The following ARHGAP40 variants were observed in gnomAD, a reference collection of about 807,000 sequenced individuals.
ARHGAP40 encodes Rho GTPase activating protein 40.
A neutral mutation model predicts 73.5 loss-of-function variants in ARHGAP40; 43 were observed. The ratio of observed to expected loss-of-function variants is 0.58; its 90% CI spans 0.46 to 0.75. ARHGAP40 has a LOEUF of 0.75. ARHGAP40 is among the 30% of genes least tolerant of loss of function. The pLI is 0.00. For missense variants in ARHGAP40, 734 were observed against 861.8 expected (o/e 0.85, Z 1.86); for synonymous variants, 300 against 352.8 (o/e 0.85, Z 1.68).
chr20:38,620,294 C>A (rs760745227), intron 1 of ARHGAP40, among the ~76,000 whole-genome samples: 1 of 152,146 alleles, frequency 6.6e-6, no homozygotes, highest in Non-Finnish European at 1.5e-5. Flanking sequence ...CTCTTCCTAT[C>A]GTTCTCTTCC....
rs1370808425 is a variant in ARHGAP40, at chr20:38,614,854, T to C, written c.138-8505T>C. On this transcript the variant is annotated intron_variant, in intron 1 of 14. Coordinates refer to ENST00000373345, the Ensembl canonical transcript of ARHGAP40. Reference sequence around the variant, plus strand: ...GTCTCTAGAGCTCCAGAACCATGAGTACCTCATCACGTCCTGAGCGTCACA... The same window carrying C: ...GTCTCTAGAGCTCCAGAACCATGAGCACCTCATCACGTCCTGAGCGTCACA... 5.3e-6 allele frequency: 5 copies of C among 942,552 alleles called. No homozygotes were observed. In the East Asian group the frequency reaches 1.2e-4, roughly 23 times the overall value. The allele number at this position is 942,552 out of a possible 1,614,324, so 58.4% of individuals were successfully genotyped here.
At chr20:38,644,893 C>T (rs940731429) in intron 11 of ARHGAP40, among the ~76,000 whole-genome samples, 1 of 151,390 alleles carries the variant, frequency 6.6e-6, no homozygotes, top group African/African-American at 2.4e-5. Flanking sequence ...GCATCTATCC[C>T]ACTATCTACC....
chr20:38,601,909 C>A (rs2088735678), exon 1 of ARHGAP40: 12 of 1,287,314 alleles, frequency 9.3e-6, no homozygotes, highest in Non-Finnish European at 1.1e-5. Context: ...GGCGGCAGCA[C>A]CACGACCGAC....
chr20:38,631,304 T>TA (rs35575772), intron 5 of ARHGAP40, among the ~76,000 whole-genome samples: 6,241 of 87,474 alleles, frequency 0.071, 641 homozygotes, highest in African/African-American at 0.24. Context: ...GAGCAAGACC[T>TA]AAAAAAAAAA....
chr20:38,619,298 G>A (rs2088861495), intron 1 of ARHGAP40, among the ~76,000 whole-genome samples: 1 of 152,102 alleles, frequency 6.6e-6, no homozygotes, highest in South Asian at 2.1e-4. Flanking sequence ...TTGTGAGCTT[G>A]GAAGATCTTT....
chr20:38,627,531 A>C (rs902648126), intron 3 of ARHGAP40, among the ~76,000 whole-genome samples: 1 of 113,374 alleles, frequency 8.8e-6, no homozygotes, highest in Non-Finnish European at 1.8e-5. Flanking sequence ...GTGTTGGGGT[A>C]TGTGTGTGTG....
chr20:38,613,906 A>G (rs1426223519), intron 1 of ARHGAP40, among the ~76,000 whole-genome samples: 1 of 152,238 alleles, frequency 6.6e-6, no homozygotes, highest in Non-Finnish European at 1.5e-5. Context: ...AAGAATGGTC[A>G]CACTGTCCAG....
intron 9 of ARHGAP40, 149 bp downstream of exon 9, chr20:38,639,535 G>T: frequency 1.0e-6 from 1 of 952,460 alleles, no homozygotes; most frequent in Non-Finnish European, 1.4e-6. Context: ...AGAAGCAAGT[G>T]TGAACATGTG....
intron 8 of ARHGAP40, 123 bp downstream of exon 8, chr20:38,638,961 C>A: frequency 1.0e-6 from 1 of 997,272 alleles, no homozygotes; most frequent in Non-Finnish European, 1.4e-6. Context: ...CTGTGTGGGT[C>A]GAGGGTTTGA....
chr20:38,624,160 G>T (rs1244347961), intron 2 of ARHGAP40, among the ~76,000 whole-genome samples: 2 of 152,142 alleles, frequency 1.3e-5, no homozygotes, highest in Non-Finnish European at 2.9e-5. Flanking sequence ...AGCTGGGGCT[G>T]GACTCATCTC....
At chr20:38,626,024 C>T (rs1329628714) in intron 2 of ARHGAP40, among the ~76,000 whole-genome samples, 2 of 152,244 alleles carry the variant, frequency 1.3e-5, no homozygotes, top group Admixed American at 6.5e-5. Context: ...AAATGTCTGG[C>T]ATCATGATAG....
In ARHGAP40 at chr20:38,623,564, AG is replaced by A; in HGVS notation, c.337+7del. 5 of 1,286,930 alleles carry A rather than the reference AG, an allele frequency of 3.9e-6. No individual in the cohort carries two copies. The highest frequency in any genetic ancestry group is 5.1e-6 in the Non-Finnish European group (5 of 986,658). 79.7% of individuals were successfully genotyped at this position (1,286,930 alleles called of 1,614,324 possible). ...TGAAGGCCAGCTTCCAGAGGGTGAGAGACCCTGGCGGGGGCCTATAGGGGTG... is the reference window on the plus strand; with the variant it reads ...TGAAGGCCAGCTTCCAGAGGGTGAGAACCCTGGCGGGGGCCTATAGGGGTG... On this transcript the variant is annotated splice_region_variant and intron_variant, in intron 2 of 14. Transcript: ENST00000373345.
chr20:38,603,465 T>A (rs2088751609), intron 1 of ARHGAP40, among the ~76,000 whole-genome samples: 1 of 121,376 alleles, frequency 8.2e-6, no homozygotes, highest in South Asian at 2.8e-4. Context: ...ATCTATCTAT[T>A]CTATATCTAA....
intron 5 of ARHGAP40, 122 bp from the exon 6 acceptor site, chr20:38,634,498 G>A (rs1204266957): frequency 6.2e-6 from 5 of 812,948 alleles, no homozygotes; most frequent in East Asian, 6.3e-5. Context: ...CCTCTTGAGT[G>A]CTTGCTCTTA....
chr20:38,636,257 TTTA>T (rs2088974260), intron 6 of ARHGAP40, among the ~76,000 whole-genome samples: 1 of 151,318 alleles, frequency 6.6e-6, no homozygotes, highest in African/African-American at 2.4e-5. Flanking sequence ...ATGATTTTTA[TTTA>T]TTTATTTTTT....
At chr20:38,605,287 A>G (rs1467594369) in intron 1 of ARHGAP40, among the ~76,000 whole-genome samples, 4 of 152,206 alleles carry the variant, frequency 2.6e-5, no homozygotes, top group Non-Finnish European at 5.9e-5. Context: ...TGTGGGCATG[A>G]ATAAGATGCT....
At chr20:38,638,613 G>A in intron 7 of ARHGAP40, 148 bp from the exon 8 acceptor site, 1 of 430,266 alleles carries the variant, frequency 2.3e-6, no homozygotes, top group Non-Finnish European at 4.3e-6. Flanking sequence ...TGGGCTCATG[G>A]AAGTGGTCAC....
At position 38,607,183 on chromosome 20, in the gene ARHGAP40, A is replaced by T. The variant is rs186436177; in HGVS notation, c.137+5104A>T. On this transcript the variant is annotated intron_variant, in intron 1 of 14. Transcript: ENST00000373345. ...AGGCTTGTTTTCATGGGACAAGTAC[A>T]TTCGGGACTCCTGACTCCTTGGCAT... 4.0e-4 allele frequency among the ~76,000 whole-genome samples: 61 copies of T among 152,332 alleles called. No homozygotes were observed. In the East Asian group the frequency reaches 9.8e-3, roughly 25 times the overall value.
chr20:38,639,297 A>G, exon 9 of ARHGAP40: 1 of 1,305,448 alleles, frequency 7.7e-7, no homozygotes, highest in Non-Finnish European at 1.0e-6. Flanking sequence ...CATCACAATG[A>G]CGCCTCTGAT....
Sources: gnomAD v4.1 joint callset for allele counts (sites outside exome capture counted in the v4.1 genomes callset) on GRCh38, gnomAD v4.1.1 for gene constraint, MANE v1.5 for transcripts, NCBI Gene and HGNC (gene_info 2026-07-23, HGNC 2026-07-21) for gene names.